Variants in CACNA1G observed in about 807,000 individuals in gnomAD.
CACNA1G encodes the protein calcium voltage-gated channel subunit alpha1 G, also known as voltage-dependent T-type calcium channel subunit alpha-1G.
In CACNA1G, 67 loss-of-function variants were observed where a neutral mutation model predicts 219.4. That is an observed-to-expected ratio of 0.31 (90% CI 0.25 to 0.37). CACNA1G has a LOEUF of 0.37. Ranked by LOEUF, CACNA1G falls within the 10% of genes least tolerant of loss-of-function variation. The pLI, the probability that CACNA1G is intolerant of heterozygous loss-of-function variation, is 1.00. For synonymous variants in CACNA1G, 1,296 were observed against 1,345.3 expected, an observed-to-expected ratio of 0.96 and a Z score of 0.80; for missense variants, 2,380 against 3,231.4, an observed-to-expected ratio of 0.74 and a Z score of 6.39.
intron 36 of CACNA1G, 124 bp downstream of exon 36, chr17:50,624,199 G>A (rs2053018224): frequency 7.6e-7 from 1 of 1,315,136 alleles, no homozygotes; most frequent in African/African-American, 1.5e-5. Context: ...CCTCAGGGGA[G>A]CCTCCAGCCT....
chr17:50,579,013 G>A (rs1449396273), intron 9 of CACNA1G, among the ~76,000 whole-genome samples: 1 of 152,118 alleles, frequency 6.6e-6, no homozygotes, highest in East Asian at 1.9e-4. Flanking sequence ...AAACAGGGGT[G>A]CAGAGGGGAG....
At chr17:50,597,096 G>A (rs547653888) in intron 16 of CACNA1G, among the ~76,000 whole-genome samples, 173 bp downstream of exon 16, 2 of 152,218 alleles carry the variant, frequency 1.3e-5, no homozygotes, top group East Asian at 3.9e-4. Context: ...TGCAAACCAG[G>A]GTAGGAGCCC....
chr17:50,565,805 G>A (rs919630878), intron 1 of CACNA1G, among the ~76,000 whole-genome samples: 2 of 152,146 alleles, frequency 1.3e-5, no homozygotes, highest in Non-Finnish European at 2.9e-5. Context: ...GAGATAACAT[G>A]CTCTAGTTCT....
chr17:50,625,265 G>A (rs2053451070), intron 37 of CACNA1G, among the ~76,000 whole-genome samples: 2 of 152,230 alleles, frequency 1.3e-5, no homozygotes, highest in African/African-American at 2.4e-5. Flanking sequence ...GAGCCCACCT[G>A]TGATAAGGCC....
intron 9 of CACNA1G, among the ~76,000 whole-genome samples, chr17:50,583,472 A>G (rs2042364336): frequency 6.6e-6 from 1 of 152,230 alleles, no homozygotes; most frequent in Admixed American, 6.5e-5. Context: ...GAAACACCCA[A>G]GAAATGTAGG....
chr17:50,588,056 C>T (rs150546931), intron 9 of CACNA1G, among the ~76,000 whole-genome samples: 9 of 152,056 alleles, frequency 5.9e-5, no homozygotes, highest in Non-Finnish European at 8.8e-5. Flanking sequence ...TTTAAAAGAA[C>T]GTTTCATTAA....
Position 50,623,263 on chromosome 17 carries a change from A to ATTTTTTTTT in CACNA1G, c.6061-621_6061-613dup, listed in dbSNP as rs35058899. Among the ~76,000 whole-genome samples, 24 of 50,984 alleles carry ATTTTTTTTT rather than the reference A, an allele frequency of 4.7e-4. 1 individual carries two copies. Among genetic ancestry groups the ATTTTTTTTT allele is most frequent in the Middle Eastern group, 0.017 (1 of 60 alleles). 33.4% of individuals were successfully genotyped at this position (50,984 alleles called of 152,430 possible). A position where few individuals can be genotyped will look rare whatever the true frequency, so the allele number is the denominator to read the frequency against. ...GGTGCCACGCCACCATATCCAGCTAATTTTTTTTTTTTTTTTTTTTTTTTT... is the reference window on the plus strand; with the variant it reads ...GGTGCCACGCCACCATATCCAGCTAATTTTTTTTTTTTTTTTTTTTTTTTTTTTTTTTTT... On this transcript the variant is annotated intron_variant, in intron 35 of 37. Transcript: ENST00000359106.
intron 7 of CACNA1G, 59 bp from the exon 8 acceptor site, chr17:50,575,484 C>T: frequency 6.6e-7 from 1 of 1,504,948 alleles, no homozygotes; most frequent in East Asian, 2.4e-5. Flanking sequence ...TATGTGGTGG[C>T]TGGCATTGTG....
intron 13 of CACNA1G, 53 bp downstream of exon 13, chr17:50,592,145 T>G (rs919743089): frequency 1.3e-6 from 2 of 1,547,304 alleles, no homozygotes; most frequent in Non-Finnish European, 1.7e-6. Context: ...CCACTTCCAA[T>G]TGGCTGCCTG....
In CACNA1G at chr17:50,626,556, A is replaced by G. The variant is rs959413850; in HGVS notation, c.6939A>G (p.Ile2313Met). The change falls in exon 38 of 38, where the codon ATA becomes ATG. Residue 2313 changes from isoleucine (I) to methionine (M), a missense_variant. By Grantham distance (10) the Ile-to-Met change is conservative. Transcript: ENST00000359106. The surrounding 1 kb of genome is among the most constrained non-coding windows in gnomAD (Gnocchi z 4.3). Reference sequence around the variant, plus strand: ...AACTCAGCCCGCCTAGTATCACCATAGACCCCCCCGAGAGCCAAGGTCCTC... The same window carrying G: ...AACTCAGCCCGCCTAGTATCACCATGGACCCCCCCGAGAGCCAAGGTCCTC... ...KKKLSPPSIT[I>M]DPPESQGPRT... 3.8e-6 allele frequency: 6 copies of G among 1,589,806 alleles called. No homozygotes were observed. The highest frequency in any genetic ancestry group is 5.1e-6 in the Non-Finnish European group (6 of 1,170,100).
At chr17:50,609,208 G>A (rs897109695) in intron 25 of CACNA1G, among the ~76,000 whole-genome samples, 3 of 152,164 alleles carry the variant, frequency 2.0e-5, no homozygotes, top group African/African-American at 7.2e-5. Context: ...GAGGCGGGGG[G>A]AGAGTGTGGG....
intron 13 of CACNA1G, 112 bp from the exon 14 acceptor site, chr17:50,594,881 C>T (rs891556288): frequency 2.4e-5 from 17 of 718,042 alleles, no homozygotes; most frequent in Non-Finnish European, 4.1e-5. Context: ...AGTTCCCCTG[C>T]TGTGGGGTTT....
rs577796385 is a variant in CACNA1G at position 50,621,863 on chromosome 17, G to A, written c.6060+69G>A. ...TGGACTGGCTGCAGGGCTCCAGATC[G>A]GCCCAGGGAGGGTCCTGGGGCCGCC... is the stretch of plus-strand genomic sequence containing the variant. On this transcript the variant is annotated intron_variant, in intron 35 of 37. Coordinates refer to ENST00000359106, the MANE Select transcript of CACNA1G (RefSeq NM_018896.5). The surrounding 1 kb of genome is among the most constrained non-coding windows in gnomAD (Gnocchi z 4.6). 40 of 1,564,530 alleles carry A rather than the reference G, an allele frequency of 2.6e-5. No individual in the cohort carries two copies. The highest frequency in any genetic ancestry group is 2.9e-5 in the Non-Finnish European group (33 of 1,146,062).
rs2052205173 is a variant in CACNA1G, at chr17:50,621,924, A to G, written c.6060+130A>G. 1.0e-6 allele frequency: 1 copy of G among 989,022 alleles called. No individual in the cohort carries two copies. The highest frequency in any genetic ancestry group is 1.6e-5 in the African/African-American group (1 of 62,310). 61.3% of individuals were successfully genotyped at this position (989,022 alleles called of 1,614,324 possible). ...TTGCTGCCAGGCTCCACCCAGAGGC[A>G]TCAACTGTCAGGACCTCGGTGGCCC... On this transcript the variant is annotated intron_variant, in intron 35 of 37. Transcript: ENST00000359106. This position sits in a 1 kb window ranked among gnomAD's most constrained non-coding sequence, Gnocchi z 4.6.
At position 50,618,541 on chromosome 17, in the gene CACNA1G, C is replaced by T; in HGVS notation, c.5428-114C>T. Reference sequence around the variant, plus strand: ...CTCCTCTGCCCCCAAACACTCCCTCCTCCTCCCCTTCCTTCCCATCCTCCA... The same window carrying T: ...CTCCTCTGCCCCCAAACACTCCCTCTTCCTCCCCTTCCTTCCCATCCTCCA... On this transcript the variant is annotated intron_variant, in intron 32 of 37. Transcript: ENST00000359106. The surrounding 1 kb of genome is among the most constrained non-coding windows in gnomAD (Gnocchi z 5.3). 1 of 1,043,908 alleles carries T rather than the reference C, an allele frequency of 9.6e-7. No individual in the cohort carries two copies. The highest frequency in any genetic ancestry group is 1.4e-6 in the Non-Finnish European group (1 of 702,608). The allele number at this position is 1,043,908 out of a possible 1,614,324, so 64.7% of individuals were successfully genotyped here.
intron 16 of CACNA1G, among the ~76,000 whole-genome samples, chr17:50,598,820 A>T (rs1192665101): frequency 6.6e-6 from 1 of 152,104 alleles, no homozygotes; most frequent in Non-Finnish European, 1.5e-5. Context: ...TCCACCTTCC[A>T]GGTTCAAGTG....
In CACNA1G at chr17:50,626,057, G is replaced by A; in HGVS notation, c.6440G>A (p.Gly2147Asp). 1 of 1,613,344 alleles carries A rather than the reference G, an allele frequency of 6.2e-7. No homozygotes were observed. Among genetic ancestry groups the A allele is most frequent in the Non-Finnish European group, 8.5e-7 (1 of 1,179,700 alleles). Residue 2147 changes from glycine (G) to aspartate (D), a missense_variant, in exon 38 of 38, where the codon GGC becomes GAC. Coordinates refer to ENST00000359106, the MANE Select transcript of CACNA1G (RefSeq NM_018896.5). The surrounding 1 kb of genome is among the most constrained non-coding windows in gnomAD (Gnocchi z 4.3). ...GACTCCTTGGACGTTCAGGGTCTGG[G>A]CAGCCGGGAAGACCTGCTGGCAGAG... ...RTDSLDVQGL[G>D]SREDLLAEVS...
rs2046478273 is a variant in CACNA1G, at chr17:50,600,853, T to C, written c.3791+27T>C. On this transcript the variant is annotated intron_variant, in intron 18 of 37. Coordinates refer to ENST00000359106, the MANE Select transcript of CACNA1G (RefSeq NM_018896.5). The surrounding 1 kb of genome is among the most constrained non-coding windows in gnomAD (Gnocchi z 4.1). ...TAAGTGACAGGGCAGGGGTCTGACC[T>C]GTGTCCCGACCTCTTCTTCTCACGG... is the stretch of plus-strand genomic sequence containing the variant. 1.9e-6 allele frequency: 3 copies of C among 1,597,788 alleles called. No individual in the cohort carries two copies. Among genetic ancestry groups the C allele is most frequent in the Non-Finnish European group, 2.6e-6 (3 of 1,165,466 alleles).
chr17:50,601,332 C>T (rs530980442), intron 19 of CACNA1G, among the ~76,000 whole-genome samples, 158 bp downstream of exon 19: 15 of 152,306 alleles, frequency 9.8e-5, no homozygotes, highest in Admixed American at 5.2e-4. Context: ...GATCCTGGTC[C>T]CCGGGATGCC....
Sources: allele counts gnomAD v4.1 joint callset (sites outside exome capture counted in the v4.1 genomes callset), GRCh38; gene constraint gnomAD v4.1.1; non-coding constraint Gnocchi (gnomAD v3.1); transcripts MANE v1.5; gene names NCBI Gene and HGNC (gene_info 2026-07-23, HGNC 2026-07-21).